Variants in SEC31B observed in about 807,000 individuals in gnomAD.
The protein encoded by SEC31B is protein transport protein Sec31B.
A neutral mutation model predicts 135.0 loss-of-function variants in SEC31B; 113 were observed. The ratio of observed to expected loss-of-function variants is 0.84; its 90% CI spans 0.72 to 0.98. The LOEUF (loss-of-function observed/expected upper bound fraction) is 0.98. SEC31B is among the 50% of genes least tolerant of loss of function. The pLI is 0.00. For synonymous variants in SEC31B, 508 were observed against 549.4 expected (o/e 0.92, Z 1.05); for missense variants, 1,296 against 1,421.1 (o/e 0.91, Z 1.42).
rs1318925225 is a variant in SEC31B at position 100,497,680 on chromosome 10, A to C, written c.1977T>G (p.Phe659Leu). Residue 659 changes from phenylalanine (F) to leucine (L), a missense_variant, in exon 16 of 26, where the codon TTT becomes TTG. Physicochemically the swap from Phe to Leu is conservative, Grantham distance 22. Coordinates refer to ENST00000370345, the MANE Select transcript of SEC31B (RefSeq NM_015490.4). Reference protein sequence around the residue: ...LLLTYSGTEKFPELCDMLGTR... With the variant: ...LLLTYSGTEKLPELCDMLGTR... ...GACCACACTTACCACAGAGCTCGGG[A>C]AATTTCTCTGTGCCTGAGTATGTCA... 1.2e-6 allele frequency: 2 copies of C among 1,614,160 alleles called. No individual in the cohort carries two copies. The highest frequency in any genetic ancestry group is 1.3e-5 in the African/African-American group (1 of 75,048).
At position 100,487,656 on chromosome 10, in the gene SEC31B, A is replaced by G. The variant is rs1253885069; in HGVS notation, c.3500T>C (p.Leu1167Pro). ...ATGAGCGATGATGAGGACAGCCTTC[A>G]GGATAGGCATGAAGCTGGACACCTC... The part of the protein sequence containing the change: ...FSEVSSFMPI[L>P]KAVLIIAHKL... Residue 1167 changes from leucine to proline, a missense_variant, in exon 26 of 26, where the codon CTG (leucine) becomes CCG (proline). By Grantham distance (98) the Leu-to-Pro change is moderately conservative (BLOSUM62 -3). Transcript: ENST00000370345. 1 of 1,613,624 alleles carries G rather than the reference A, an allele frequency of 6.2e-7. No homozygotes were observed.
intron 3 of SEC31B, among the ~76,000 whole-genome samples, chr10:100,511,549 C>T (rs1380757421): frequency 6.6e-6 from 1 of 152,218 alleles, no homozygotes; most frequent in Non-Finnish European, 1.5e-5. Flanking sequence ...GCAGGAGGAT[C>T]ACTTGTGCCC....
intron 5 of SEC31B, chr10:100,508,496 G>T (rs773219782): frequency 4.1e-5 from 19 of 464,244 alleles, no homozygotes; most frequent in Non-Finnish European, 6.0e-5. Flanking sequence ...AAGAGAAAAG[G>T]CCAGGAAGCA....
At chr10:100,500,642 A>C (rs1851504403) in intron 11 of SEC31B, among the ~76,000 whole-genome samples, 1 of 152,136 alleles carries the variant, frequency 6.6e-6, no homozygotes, top group Non-Finnish European at 1.5e-5. Flanking sequence ...TTCTTTGAGA[A>C]GACCTCTGGT....
At chr10:100,493,206 C>T (rs183331444) in intron 19 of SEC31B, among the ~76,000 whole-genome samples, 40 of 152,002 alleles carry the variant, frequency 2.6e-4, no homozygotes, top group Admixed American at 7.2e-4. Context: ...ACCCCATCTC[C>T]ACTAAAAATA....
In SEC31B at chr10:100,498,837, G is replaced by A. The variant is rs1448143905; in HGVS notation, c.1585-33C>T. 6.6e-6 allele frequency: 10 copies of A among 1,509,098 alleles called. No homozygotes were observed. In the South Asian group the frequency reaches 1.1e-4, roughly 17 times the overall value. 93.5% of individuals were successfully genotyped at this position (1,509,098 alleles called of 1,614,324 possible). A position where few individuals can be genotyped will look rare whatever the true frequency, so the allele number is the denominator to read the frequency against. On this transcript the variant is annotated intron_variant, in intron 13 of 25. Coordinates refer to ENST00000370345, the MANE Select transcript of SEC31B (RefSeq NM_015490.4). ...AGGAAGGACAGAGGTGACTACTTAG[G>A]GATGAACCCAAGACAGACAGAGAGC... is the stretch of plus-strand genomic sequence containing the variant.
rs1234904034 is a variant in SEC31B, at chr10:100,516,972, A to G, written c.-20T>C. ...CTTCATGGTCTATCCTGTAGGTGGC[A>G]GAAAACTGACATGGCCCTCAGCCCA... On this transcript the variant is annotated 5_prime_UTR_variant, in exon 2 of 26. Coordinates refer to ENST00000370345, the MANE Select transcript of SEC31B (RefSeq NM_015490.4). 6.2e-7 allele frequency: 1 copy of G among 1,604,158 alleles called. No homozygotes were observed. The highest frequency in any genetic ancestry group is 8.5e-7 in the Non-Finnish European group (1 of 1,171,042).
intron 11 of SEC31B, 34 bp downstream of exon 11, chr10:100,502,220 A>T: frequency 6.4e-7 from 1 of 1,551,838 alleles, no homozygotes; most frequent in Non-Finnish European, 8.9e-7. Flanking sequence ...CTTTGGGGAG[A>T]CACTTCTGAG....
intron 10 of SEC31B, among the ~76,000 whole-genome samples, chr10:100,505,019 T>C (rs1319595418): frequency 6.6e-6 from 1 of 152,156 alleles, no homozygotes; most frequent in Non-Finnish European, 1.5e-5. Context: ...AAAATGGTTT[T>C]TTTTTTGCCT....
At chr10:100,496,619 A>C (rs1851414725) in intron 17 of SEC31B, among the ~76,000 whole-genome samples, 188 bp from the exon 18 acceptor site, 1 of 152,210 alleles carries the variant, frequency 6.6e-6, no homozygotes. Flanking sequence ...CTCACCTCCC[A>C]AGCTGTTAGG....
intron 5 of SEC31B, among the ~76,000 whole-genome samples, 159 bp from the exon 6 acceptor site, chr10:100,508,210 A>G (rs1851669554): frequency 6.6e-6 from 1 of 152,214 alleles, no homozygotes; most frequent in Admixed American, 6.5e-5. Context: ...TGAATTTTCC[A>G]GGGAGGATCC....
At position 100,502,439 on chromosome 10, in the gene SEC31B, G is replaced by T. The variant is rs1468616274; in HGVS notation, c.1225C>A (p.His409Asn). The change falls in exon 11 of 26, where the codon CAT becomes AAT. Residue 409 changes from histidine (H) to asparagine (N), a missense_variant. Physicochemically the swap from His to Asn is moderately conservative, Grantham distance 68 (BLOSUM62 1). Transcript: ENST00000370345. ...VTFGLPSTPA[H>N]LVPQPCPRLV... is the part of the protein sequence containing the mutation. ...CGGGGGCAAGGCTGTGGCACCAGAT[G>T]GGCAGGGGTGCTGGGGAGGCCAAAA... 6.2e-7 allele frequency: 1 copy of T among 1,614,056 alleles called. No individual in the cohort carries two copies. Among genetic ancestry groups the T allele is most frequent in the East Asian group, 2.2e-5 (1 of 44,884 alleles).
Position 100,495,379 on chromosome 10 carries a change from T to C in SEC31B, c.2472+6A>G. The C allele has an allele frequency of 6.2e-7, 1 of 1,612,338 alleles. No homozygotes were observed. Among genetic ancestry groups the C allele is most frequent in the Non-Finnish European group, 8.5e-7 (1 of 1,179,296 alleles). On this transcript the variant is annotated splice_donor_region_variant and intron_variant, in intron 19 of 25. Transcript: ENST00000370345. ...TGAACAAATGAATGAACAAACGAGG[T>C]CTTACCTGGTGAGAAGGCTGGGATC...
intron 9 of SEC31B, chr10:100,505,834 A>G (rs1265164386): frequency 4.1e-6 from 6 of 1,474,432 alleles, no homozygotes; most frequent in Non-Finnish European, 5.4e-6. Context: ...TCCAATAACA[A>G]GAGTCAAGGT....
At chr10:100,519,588 G>A (rs994965153) in intron 1 of SEC31B, among the ~76,000 whole-genome samples, 194 bp downstream of exon 1, 1 of 152,252 alleles carries the variant, frequency 6.6e-6, no homozygotes, top group Non-Finnish European at 1.5e-5. Context: ...GGCAGGGACA[G>A]TAGAGCCGGA....
chr10:100,502,103 T>C (rs1851534888), intron 11 of SEC31B, 151 bp downstream of exon 11: 1 of 649,638 alleles, frequency 1.5e-6, no homozygotes, highest in Non-Finnish European at 2.7e-6. Flanking sequence ...TGTGTCTAGA[T>C]GGTGGGTATA....
chr10:100,497,478 A>G, intron 16 of SEC31B, 189 bp downstream of exon 16: 1 of 1,474,430 alleles, frequency 6.8e-7, no homozygotes, highest in Non-Finnish European at 9.0e-7. Flanking sequence ...ACAGGACAAC[A>G]AAGGATCCCC....
intron 9 of SEC31B, 46 bp downstream of exon 9, chr10:100,505,994 A>T: frequency 1.2e-6 from 2 of 1,609,962 alleles, no homozygotes; most frequent in Non-Finnish European, 1.7e-6. Context: ...TCCCACAAAC[A>T]GAGACAGCCC....
chr10:100,493,136 G>A (rs1028551360), intron 19 of SEC31B, among the ~76,000 whole-genome samples: 4 of 152,190 alleles, frequency 2.6e-5, no homozygotes, highest in African/African-American at 7.2e-5. Flanking sequence ...CGCTTTGGGA[G>A]GCCGAGGCGG....
Sources: allele counts gnomAD v4.1 joint callset (sites outside exome capture counted in the v4.1 genomes callset), GRCh38; gene constraint gnomAD v4.1.1; transcripts MANE v1.5; gene names NCBI Gene and HGNC (gene_info 2026-07-23, HGNC 2026-07-21).